Variants in NUP98 observed in about 807,000 individuals in gnomAD.
NUP98 encodes the protein nuclear pore complex protein Nup98-Nup96.
NUP98 carries 26 observed loss-of-function variants against 191.9 expected under a neutral mutation model. The ratio of observed to expected loss-of-function variants is 0.14; its 90% CI spans 0.10 to 0.19. The LOEUF is 0.19. NUP98 is among the 10% of genes least tolerant of loss of function. The pLI, the probability that NUP98 is intolerant of heterozygous loss-of-function variation, is 1.00. For missense variants in NUP98, 1,941 were observed against 2,178.8 expected (o/e 0.89, Z 2.17); for synonymous variants, 808 against 778.4 (o/e 1.04, Z -0.63).
rs1330238276 is a variant in NUP98, at chr11:3,675,338, A to G, written c.*821T>C. On this transcript the variant is annotated 3_prime_UTR_variant, in exon 33 of 33. Coordinates refer to ENST00000324932, the MANE Select transcript of NUP98 (RefSeq NM_016320.5). Reference sequence around the variant, plus strand: ...AGATGGAGGGTGGGAAATGCTTTGGAGCTAACATGGGATGAACAGGGAGGG... The same window carrying G: ...AGATGGAGGGTGGGAAATGCTTTGGGGCTAACATGGGATGAACAGGGAGGG... 2 of 220,120 alleles carry G rather than the reference A, an allele frequency of 9.1e-6. No homozygotes were observed. Among genetic ancestry groups the G allele is most frequent in the Non-Finnish European group, 1.8e-5 (2 of 109,702 alleles). The allele number at this position is 220,120 out of a possible 1,614,324, so 13.6% of individuals were successfully genotyped here.
intron 1 of NUP98, 149 bp from the exon 2 acceptor site, chr11:3,782,294 C>G: frequency 2.0e-6 from 1 of 501,744 alleles, no homozygotes; most frequent in Non-Finnish European, 3.5e-6. Context: ...ATAAAATAAA[C>G]CTTGTAAAAT....
intron 7 of NUP98, among the ~76,000 whole-genome samples, chr11:3,770,792 C>T (rs975536850): frequency 6.6e-6 from 1 of 152,174 alleles, no homozygotes; most frequent in African/African-American, 2.4e-5. Flanking sequence ...TCACATCCCA[C>T]ATTAAACCAA....
chr11:3,722,288 A>C (rs1379746731), intron 16 of NUP98, among the ~76,000 whole-genome samples: 2 of 151,322 alleles, frequency 1.3e-5, no homozygotes, highest in African/African-American at 4.9e-5. Context: ...AATTACTTTT[A>C]AGTTTATTGT....
At chr11:3,739,154 C>A (rs1175132230) in intron 12 of NUP98, among the ~76,000 whole-genome samples, 1 of 151,912 alleles carries the variant, frequency 6.6e-6, no homozygotes, top group Non-Finnish European at 1.5e-5. Flanking sequence ...TTATTAAAAA[C>A]CAGTCAAAAA....
At chr11:3,793,537 C>A (rs1439700151) in intron 1 of NUP98, among the ~76,000 whole-genome samples, 1 of 151,982 alleles carries the variant, frequency 6.6e-6, no homozygotes, top group East Asian at 1.9e-4. Context: ...CCACCCGCTT[C>A]AGCCTCCCAA....
intron 23 of NUP98, among the ~76,000 whole-genome samples, chr11:3,702,104 G>A (rs2134111778): frequency 1.3e-5 from 2 of 152,150 alleles, no homozygotes; most frequent in Middle Eastern, 6.8e-3. Context: ...TGGGTGTGGT[G>A]GCGTGTGCAT....
intron 1 of NUP98, among the ~76,000 whole-genome samples, chr11:3,785,166 A>G (rs1261816255): frequency 6.6e-6 from 1 of 151,594 alleles, no homozygotes; most frequent in Non-Finnish European, 1.5e-5. Context: ...AAAAAAAAAA[A>G]TACAGTTATG....
At chr11:3,712,833 G>A in intron 19 of NUP98, 105 bp from the exon 20 acceptor site, 1 of 1,206,440 alleles carries the variant, frequency 8.3e-7, no homozygotes, top group Non-Finnish European at 1.2e-6. Context: ...AAGAAAAGGG[G>A]AGAAATATCT....
Position 3,739,663 on chromosome 11 carries a change from T to C in NUP98, c.1409-4339A>G, listed in dbSNP as rs2080205828. On this transcript the variant is annotated intron_variant, in intron 12 of 32. Coordinates refer to ENST00000324932, the MANE Select transcript of NUP98 (RefSeq NM_016320.5). ...TTTGGCTAAAAAATATTAACATTTATATATATAAACCCACAATGACAAACA... is the reference window on the plus strand; with the variant it reads ...TTTGGCTAAAAAATATTAACATTTACATATATAAACCCACAATGACAAACA... Among the ~76,000 whole-genome samples the C allele has an allele frequency of 3.9e-5, 6 of 152,254 alleles. No individual in the cohort carries two copies. In the Middle Eastern group the frequency reaches 0.017, roughly 432 times the overall value.
intron 22 of NUP98, among the ~76,000 whole-genome samples, chr11:3,704,417 T>C (rs766743621): frequency 5.3e-5 from 8 of 152,304 alleles, no homozygotes; most frequent in Admixed American, 3.9e-4. Context: ...ATCACTTCCC[T>C]GGGAATTTAA....
chr11:3,713,769 G>A (rs371374345), intron 19 of NUP98, 49 bp downstream of exon 19: 8 of 1,538,792 alleles, frequency 5.2e-6, no homozygotes, highest in Middle Eastern at 3.4e-4. Context: ...AACGTTATGT[G>A]ACTCCAAATA....
rs990072735 is a variant in NUP98 at position 3,691,238 on chromosome 11, T to C, written c.4454+109A>G. 29 of 1,166,148 alleles carry C rather than the reference T, an allele frequency of 2.5e-5. No homozygotes were observed. The African/African-American group carries it at 3.4e-4, about 14-fold the overall frequency. 72.2% of individuals were successfully genotyped at this position (1,166,148 alleles called of 1,614,324 possible). A position where few individuals can be genotyped will look rare whatever the true frequency, so the allele number is the denominator to read the frequency against. On this transcript the variant is annotated intron_variant, in intron 28 of 32. Coordinates refer to ENST00000324932, the MANE Select transcript of NUP98 (RefSeq NM_016320.5). Reference sequence around the variant, plus strand: ...ACTTTAAGTTATATTTGGTAGTTTATATGGACTTACAGCAATCTGGGGACA... The same window carrying C: ...ACTTTAAGTTATATTTGGTAGTTTACATGGACTTACAGCAATCTGGGGACA...
At chr11:3,741,786 A>G (rs1408945992) in intron 12 of NUP98, among the ~76,000 whole-genome samples, 1 of 152,226 alleles carries the variant, frequency 6.6e-6, no homozygotes, top group Non-Finnish European at 1.5e-5. Flanking sequence ...GATAGAGGGC[A>G]CAGGTCACAA....
intron 1 of NUP98, among the ~76,000 whole-genome samples, chr11:3,783,612 C>A (rs1423401650): frequency 1.3e-5 from 2 of 152,078 alleles, no homozygotes; most frequent in African/African-American, 4.8e-5. Context: ...GGCAGGAGAA[C>A]TGCTTGAACC....
chr11:3,763,800 A>AGCCTCC (rs1449420524), intron 8 of NUP98, among the ~76,000 whole-genome samples: 1 of 152,204 alleles, frequency 6.6e-6, no homozygotes, highest in Non-Finnish European at 1.5e-5. Flanking sequence ...CACCTGCCTC[A>AGCCTCC]GCCTCCCAAA....
intron 20 of NUP98, chr11:3,712,342 G>A: frequency 8.8e-6 from 12 of 1,364,736 alleles, no homozygotes; most frequent in South Asian, 1.9e-5. Context: ...AATCTGTAGA[G>A]GAATAATCCA....
At chr11:3,739,660 TTATATA>T (rs929661799) in intron 12 of NUP98, among the ~76,000 whole-genome samples, 1 of 152,100 alleles carries the variant, frequency 6.6e-6, no homozygotes, top group African/African-American at 2.4e-5. Flanking sequence ...ATATTAACAT[TTATATA>T]TATAAACCCA....
chr11:3,782,858 A>G (rs2133953453), intron 1 of NUP98, among the ~76,000 whole-genome samples: 1 of 152,212 alleles, frequency 6.6e-6, no homozygotes, highest in South Asian at 2.1e-4. Context: ...GCACCCGGCC[A>G]AGGCTTTATT....
chr11:3,677,979 TAC>T (rs35187001), intron 31 of NUP98, among the ~76,000 whole-genome samples: 6 of 150,760 alleles, frequency 4.0e-5, no homozygotes, highest in East Asian at 2.0e-4. Flanking sequence ...TCTACTAAAA[TAC>T]ACACACACAC....
Sources: gnomAD v4.1 joint callset for allele counts (sites outside exome capture counted in the v4.1 genomes callset) on GRCh38, gnomAD v4.1.1 for gene constraint, MANE v1.5 for transcripts, NCBI Gene and HGNC (gene_info 2026-07-23, HGNC 2026-07-21) for gene names.